The following TFDP1 variants were observed in gnomAD, a reference collection of about 807,000 sequenced individuals.
TFDP1 encodes transcription factor Dp-1, also known as DRTF1-polypeptide 1.
Under a neutral mutation model 48.0 loss-of-function variants are expected in TFDP1, and 6 were observed. The ratio of observed to expected loss-of-function variants is 0.13; its 90% CI spans 0.07 to 0.25. The LOEUF is 0.25. TFDP1 is among the 10% of genes least tolerant of loss of function. The probability of loss-of-function intolerance (pLI) is 1.00; values close to 1 mark genes in which losing one functional copy is unlikely to be tolerated. For missense variants in TFDP1, 335 were observed against 543.0 expected (o/e 0.62, Z 3.81); for synonymous variants, 201 against 211.6 (o/e 0.95, Z 0.44).
intron 3 of TFDP1, among the ~76,000 whole-genome samples, chr13:113,611,628 G>A (rs1177384224): frequency 1.3e-5 from 2 of 152,190 alleles, no homozygotes; most frequent in Non-Finnish European, 1.5e-5. Flanking sequence ...TTTACACCTC[G>A]GAGTGGTGCT....
chr13:113,636,745 C>G (rs749267122), intron 10 of TFDP1, 45 bp downstream of exon 10: 4 of 1,585,742 alleles, frequency 2.5e-6, no homozygotes, highest in African/African-American at 2.7e-5. Flanking sequence ...TGAGGAATGG[C>G]CCCCAGCCTC....
intron 2 of TFDP1, among the ~76,000 whole-genome samples, chr13:113,589,312 G>A (rs929824862): frequency 2.0e-5 from 3 of 152,186 alleles, no homozygotes; most frequent in African/African-American, 7.2e-5. Flanking sequence ...GGCTGGCTCC[G>A]GGAACCTGAG....
chr13:113,611,035 A>G lies in TFDP1; in HGVS notation c.52A>G (p.Ile18Val), dbSNP rs1940891613. 1.2e-6 allele frequency: 2 copies of G among 1,614,184 alleles called. No homozygotes were observed. The highest frequency in any genetic ancestry group is 1.7e-6 in the Non-Finnish European group (2 of 1,180,010). ...IEANGELKVF[I>V]DQNLSPGKGV... ...AGCCAACGGAGAACTCAAGGTCTTC[A>G]TAGACCAGAACCTTAGTCCCGGGAA... The change falls in exon 3 of 12, where the codon ATA becomes GTA. Residue 18 changes from isoleucine to valine, a missense_variant. Ile to Val is a conservative substitution (Grantham distance 29). Coordinates refer to ENST00000375370, the MANE Select transcript of TFDP1 (RefSeq NM_007111.5).
intron 2 of TFDP1, among the ~76,000 whole-genome samples, chr13:113,591,341 CAAAAAAA>C (rs745915921): frequency 1.5e-5 from 1 of 66,096 alleles, no homozygotes; most frequent in South Asian, 4.8e-4. Flanking sequence ...GACTTCATCT[CAAAAAAA>C]AAAAAAAAGA....
intron 3 of TFDP1, among the ~76,000 whole-genome samples, chr13:113,622,279 CTT>C (rs2049013815): frequency 1.3e-5 from 2 of 152,192 alleles, no homozygotes; most frequent in Non-Finnish European, 2.9e-5. Flanking sequence ...TGTCTTGTGT[CTT>C]TACTTCTACA....
At chr13:113,621,195 G>A (rs548556318) in intron 3 of TFDP1, among the ~76,000 whole-genome samples, 16 of 152,382 alleles carry the variant, frequency 1.0e-4, no homozygotes, top group Admixed American at 3.9e-4. Flanking sequence ...CCAGGGTCCT[G>A]CAGCTCTGCG....
intron 3 of TFDP1, among the ~76,000 whole-genome samples, chr13:113,615,155 C>T (rs536634598): frequency 1.3e-5 from 2 of 152,308 alleles, no homozygotes; most frequent in Admixed American, 1.3e-4. Flanking sequence ...GGCAATACAT[C>T]TTACGTGGGC....
At chr13:113,631,921 G>T in intron 5 of TFDP1, 177 bp downstream of exon 5, 1 of 833,630 alleles carries the variant, frequency 1.2e-6, no homozygotes, top group Non-Finnish European at 1.8e-6. Flanking sequence ...CAGCCGAGGC[G>T]CACTGCCTCG....
intron 2 of TFDP1, among the ~76,000 whole-genome samples, chr13:113,591,707 T>A (rs2048150915): frequency 6.6e-6 from 1 of 152,256 alleles, no homozygotes; most frequent in Non-Finnish European, 1.5e-5. Flanking sequence ...TTCTGCTGTT[T>A]GTCATAAGAG....
At position 113,623,194 on chromosome 13, in the gene TFDP1, G is replaced by C; in HGVS notation, c.94G>C (p.Val32Leu). 6.2e-7 allele frequency: 1 copy of C among 1,613,258 alleles called. No homozygotes were observed. Among genetic ancestry groups the C allele is most frequent in the Non-Finnish European group, 8.5e-7 (1 of 1,179,612 alleles). The change falls in exon 4 of 12, where the codon GTG becomes CTG. Residue 32 changes from valine to leucine, a missense_variant. Val to Leu is a conservative substitution (Grantham distance 32). Around this residue, in one of 3 missense-constraint regions of TFDP1, gnomAD observed 103 missense variants for 140.4 expected, o/e 0.73. Transcript: ENST00000375370. The surrounding 1 kb of genome is among the most constrained non-coding windows in gnomAD (Gnocchi z 5.2). ...LSPGKGVVSL[V>L]AVHPSTVNPL... ...TTGTGTTGCAGGCGTGGTGTCCCTCGTGGCCGTTCACCCCTCCACCGTCAA... is the reference window on the plus strand; with the variant it reads ...TTGTGTTGCAGGCGTGGTGTCCCTCCTGGCCGTTCACCCCTCCACCGTCAA...
At chr13:113,592,754 C>A (rs1490707386) in intron 2 of TFDP1, among the ~76,000 whole-genome samples, 1 of 148,178 alleles carries the variant, frequency 6.7e-6, no homozygotes, top group Non-Finnish European at 1.5e-5. Context: ...ACAGGTGTGG[C>A]ATATGCTGGT....
intron 2 of TFDP1, among the ~76,000 whole-genome samples, chr13:113,609,684 T>C (rs1422839977): frequency 6.6e-6 from 1 of 151,882 alleles, no homozygotes; most frequent in Non-Finnish European, 1.5e-5. Context: ...GTCCCCTGAC[T>C]GTTACCTGGG....
intron 2 of TFDP1, among the ~76,000 whole-genome samples, chr13:113,587,482 CT>C (rs34556944): frequency 0.036 from 4,483 of 125,466 alleles, 88 homozygotes; most frequent in African/African-American, 0.11. Context: ...TTCGCTAGCT[CT>C]TTTTTTTTTT....
At chr13:113,597,585 G>T (rs1202274038) in intron 2 of TFDP1, among the ~76,000 whole-genome samples, 3 of 152,244 alleles carry the variant, frequency 2.0e-5, no homozygotes, top group African/African-American at 7.2e-5. Flanking sequence ...GCGGCCAGCT[G>T]CCCTCCCTAC....
At chr13:113,613,557 T>C (rs1347662370) in intron 3 of TFDP1, among the ~76,000 whole-genome samples, 1 of 150,332 alleles carries the variant, frequency 6.7e-6, no homozygotes, top group African/African-American at 2.5e-5. Context: ...TGTGTGTCAC[T>C]GAGTGTGCAT....
At chr13:113,613,022 T>C (rs1202865744) in intron 3 of TFDP1, among the ~76,000 whole-genome samples, 21 of 150,816 alleles carry the variant, frequency 1.4e-4, no homozygotes, top group Admixed American at 7.2e-4. Flanking sequence ...TGGTTTTTGT[T>C]GTTGTTGTTT....
At chr13:113,619,920 T>C (rs1411086274) in intron 3 of TFDP1, among the ~76,000 whole-genome samples, 1 of 152,086 alleles carries the variant, frequency 6.6e-6, no homozygotes, top group East Asian at 1.9e-4. Flanking sequence ...GGGCTCAGAC[T>C]CCAGGTGGAC....
At chr13:113,608,442 C>T (rs1037678253) in intron 2 of TFDP1, among the ~76,000 whole-genome samples, 36 of 152,168 alleles carry the variant, frequency 2.4e-4, no homozygotes, top group Admixed American at 6.5e-5. Flanking sequence ...GGCGGGAGGG[C>T]AGTCATCCTC....
In TFDP1 at chr13:113,611,068, G is replaced by A; in HGVS notation, c.79+6G>A. ...GAACCTTAGTCCCGGGAAAGGTAAG[G>A]GCACCTGTTCTGGACACACTCTTGT... is the stretch of plus-strand genomic sequence containing the variant. On this transcript the variant is annotated splice_donor_region_variant and intron_variant, in intron 3 of 11. Transcript: ENST00000375370. 6.2e-7 allele frequency: 1 copy of A among 1,613,438 alleles called. No homozygotes were observed. Among genetic ancestry groups the A allele is most frequent in the Non-Finnish European group, 8.5e-7 (1 of 1,179,380 alleles).
Sources: gnomAD v4.1 joint callset for allele counts (sites outside exome capture counted in the v4.1 genomes callset) on GRCh38, gnomAD v4.1.1 for gene constraint, gnomAD v4.1.1 regional missense constraint, Gnocchi (gnomAD v3.1) non-coding constraint, MANE v1.5 for transcripts, NCBI Gene and HGNC (gene_info 2026-07-23, HGNC 2026-07-21) for gene names.